The following BCAT1 variants were observed in gnomAD, a reference collection of about 807,000 sequenced individuals.
BCAT1 encodes branched chain amino acid transaminase 1, also known as branched-chain-amino-acid aminotransferase, cytosolic.
BCAT1 carries 48 observed loss-of-function variants against 52.4 expected under a neutral mutation model. The observed-to-expected ratio is 0.92, with a 90% CI of 0.73 to 1.16. The LOEUF (loss-of-function observed/expected upper bound fraction) is 1.16, where lower values mean the gene tolerates loss of function less well. Among genes scored for constraint, BCAT1 ranks in the 50% most tolerant of loss-of-function variants. BCAT1 has a pLI of 0.00. For synonymous variants in BCAT1, 167 were observed against 161.3 expected (o/e 1.04, Z -0.27); for missense variants, 451 against 457.1 (o/e 0.99, Z 0.12).
Position 24,813,244 on chromosome 12 carries a change from T to C in BCAT1, c.*4764A>G, listed in dbSNP as rs1286839402. The C allele has an allele frequency of 1.3e-5, 2 of 152,044 alleles. No individual in the cohort carries two copies. Among genetic ancestry groups the C allele is most frequent in the African/African-American group, 4.8e-5 (2 of 41,458 alleles). 9.4% of individuals were successfully genotyped at this position (152,044 alleles called of 1,614,324 possible). On this transcript the variant is annotated 3_prime_UTR_variant, in exon 11 of 11. Transcript: ENST00000261192. Reference sequence around the variant, plus strand: ...AAACATCTGACAAGTCTTTTATATATGTATGCTGAAGAGAAAAAATAAATC... The same window carrying C: ...AAACATCTGACAAGTCTTTTATATACGTATGCTGAAGAGAAAAAATAAATC...
chr12:24,913,677 TA>T (rs1258936757), intron 1 of BCAT1, among the ~76,000 whole-genome samples: 1 of 152,062 alleles, frequency 6.6e-6, no homozygotes, highest in African/African-American at 2.4e-5. Context: ...CACGTAGAAA[TA>T]TGATTGGACA....
intron 3 of BCAT1, among the ~76,000 whole-genome samples, chr12:24,890,632 G>A (rs1942811745): frequency 6.6e-6 from 1 of 152,160 alleles, no homozygotes; most frequent in Non-Finnish European, 1.5e-5. Context: ...GCAATGGTGG[G>A]AAGTTAACCT....
chr12:24,832,908 G>C, intron 8 of BCAT1, 45 bp from the exon 9 acceptor site: 1 of 1,541,984 alleles, frequency 6.5e-7, no homozygotes, highest in South Asian at 1.2e-5. Flanking sequence ...AAAGGAAAAG[G>C]CATGCAAAAC....
chr12:24,884,345 G>T (rs577403459), intron 3 of BCAT1, among the ~76,000 whole-genome samples: 1 of 152,264 alleles, frequency 6.6e-6, no homozygotes, highest in South Asian at 2.1e-4. Context: ...GGAGGCTAGG[G>T]GTTGGGGAAT....
At chr12:24,821,732 G>T (rs1266883072) in intron 10 of BCAT1, among the ~76,000 whole-genome samples, 12 of 152,172 alleles carry the variant, frequency 7.9e-5, no homozygotes, top group Admixed American at 7.9e-4. Context: ...GATTCAAACA[G>T]CCCCAGAGCA....
At chr12:24,823,979 G>A (rs544696742) in intron 10 of BCAT1, among the ~76,000 whole-genome samples, 5 of 152,164 alleles carry the variant, frequency 3.3e-5, no homozygotes, top group East Asian at 3.9e-4. Context: ...CCAAAATTGT[G>A]TGTTTGGGCT....
chr12:24,921,904 T>C (rs1943504307), intron 1 of BCAT1, among the ~76,000 whole-genome samples: 2 of 152,052 alleles, frequency 1.3e-5, no homozygotes, highest in Non-Finnish European at 2.9e-5. Context: ...AAGGAAAGCA[T>C]GAAAAAAATA....
chr12:24,928,508 C>T (rs1943627115), intron 1 of BCAT1, among the ~76,000 whole-genome samples: 1 of 151,614 alleles, frequency 6.6e-6, no homozygotes, highest in Admixed American at 6.6e-5. Context: ...GGTGTGGTGG[C>T]ACATGACTGT....
intron 1 of BCAT1, among the ~76,000 whole-genome samples, chr12:24,912,023 T>C (rs2139703347): frequency 6.6e-6 from 1 of 152,320 alleles, no homozygotes; most frequent in East Asian, 1.9e-4. Flanking sequence ...AATTTTGTTT[T>C]ATACCAGTAC....
rs1352344675 is a variant in BCAT1 at position 24,819,645 on chromosome 12, GTTCT to G, written c.1120-1600_1120-1597del. Among the ~76,000 whole-genome samples, 4 of 152,242 alleles carry G rather than the reference GTTCT, an allele frequency of 2.6e-5. No individual in the cohort carries two copies. In the South Asian group the frequency reaches 6.2e-4, roughly 24 times the overall value. Reference sequence around the variant, plus strand: ...GCCCAGTTCTCTGCCTCTGTCTGATGTTCTTTCTCCTATATCACAATGTACATGT... The same window carrying G: ...GCCCAGTTCTCTGCCTCTGTCTGATGTTCTCCTATATCACAATGTACATGT... On this transcript the variant is annotated intron_variant, in intron 10 of 10. Transcript: ENST00000261192.
At chr12:24,835,578 TATTTATTTATTTATTTA>T (rs1378514445) in intron 8 of BCAT1, among the ~76,000 whole-genome samples, 1 of 142,702 alleles carries the variant, frequency 7.0e-6, no homozygotes, top group African/African-American at 2.5e-5. Flanking sequence ...TTTATTTATT[TATTTATTTATTTATTTA>T]ATTTACTTTT....
At chr12:24,910,972 C>T (rs1039869382) in intron 1 of BCAT1, among the ~76,000 whole-genome samples, 9 of 151,912 alleles carry the variant, frequency 5.9e-5, no homozygotes, top group Admixed American at 2.6e-4. Context: ...GGCATGGTGG[C>T]GAGTGCCTGT....
intron 5 of BCAT1, among the ~76,000 whole-genome samples, chr12:24,861,521 C>T (rs567405113): frequency 6.6e-6 from 1 of 152,328 alleles, no homozygotes; most frequent in African/African-American, 2.4e-5. Context: ...GAATGGCCTT[C>T]ACCATACTGA....
intron 1 of BCAT1, among the ~76,000 whole-genome samples, chr12:24,930,698 A>G (rs1484863603): frequency 6.6e-6 from 1 of 152,134 alleles, no homozygotes; most frequent in East Asian, 1.9e-4. Context: ...ACAATTTTTT[A>G]TTTCCAAATA....
intron 6 of BCAT1, among the ~76,000 whole-genome samples, chr12:24,849,111 C>T (rs151158819): frequency 0.014 from 2,064 of 152,328 alleles, 17 homozygotes; most frequent in Non-Finnish European, 0.019. Context: ...AAAGCAAGAA[C>T]CCATGCTGCT....
rs6487420 is a variant in BCAT1 at position 24,815,216 on chromosome 12, A to C, written c.*2792T>G. 0.73 allele frequency: 111,331 copies of C among 151,986 alleles called. 40,875 individuals carry two copies. The highest frequency in any genetic ancestry group is 0.87 in the East Asian group (4,482 of 5,174). The allele number at this position is 151,986 out of a possible 1,614,324, so 9.4% of individuals were successfully genotyped here. A position where few individuals can be genotyped will look rare whatever the true frequency, so the allele number is the denominator to read the frequency against. On this transcript the variant is annotated 3_prime_UTR_variant, in exon 11 of 11. Coordinates refer to ENST00000261192, the MANE Select transcript of BCAT1 (RefSeq NM_005504.7). ...TGACAAGCTCGGTCTGAAATGTAGA[A>C]ACTGAAAAAAGTGAAAGGAAGAGAA...
chr12:24,844,551 T>C (rs981650712), intron 6 of BCAT1, among the ~76,000 whole-genome samples: 2 of 152,210 alleles, frequency 1.3e-5, no homozygotes, highest in East Asian at 1.9e-4. Flanking sequence ...CATCATACTA[T>C]GGTGATTGCC....
At chr12:24,823,681 A>C (rs1191978205) in intron 10 of BCAT1, among the ~76,000 whole-genome samples, 5 of 151,484 alleles carry the variant, frequency 3.3e-5, no homozygotes, top group South Asian at 4.2e-4. Context: ...AGTGAGTGGC[A>C]CCTCCCACCC....
At chr12:24,869,981 GGTGTGTGTGTGTGTGTGTATATATGT>G (rs1382074971) in intron 5 of BCAT1, among the ~76,000 whole-genome samples, 2 of 148,820 alleles carry the variant, frequency 1.3e-5, no homozygotes, top group Non-Finnish European at 3.0e-5. Context: ...CACATGTAAG[GGTGTGTGTGTGTGTGTGTATATATGT>G]GTGTGTGTGT....
Sources: gnomAD v4.1 joint callset for allele counts (sites outside exome capture counted in the v4.1 genomes callset) on GRCh38, gnomAD v4.1.1 for gene constraint, MANE v1.5 for transcripts, NCBI Gene and HGNC (gene_info 2026-07-23, HGNC 2026-07-21) for gene names.